C8orf34: variants seen among roughly 807,000 people sequenced by gnomAD.
The protein encoded by C8orf34 is chromosome 8 open reading frame 34.
C8orf34 carries 65 observed loss-of-function variants against 68.3 expected under a neutral mutation model. That is an observed-to-expected ratio of 0.95 (90% CI 0.78 to 1.17). The LOEUF is 1.17. Among genes scored for constraint, C8orf34 ranks in the 50% most tolerant of loss-of-function variants. The pLI, the probability that C8orf34 is intolerant of heterozygous loss-of-function variation, is 0.00. For missense variants in C8orf34, 664 were observed against 655.4 expected, an observed-to-expected ratio of 1.01 and a Z score of -0.14; for synonymous variants, 244 against 241.2, an observed-to-expected ratio of 1.01 and a Z score of -0.11.
chr8:68,456,127 G>T (rs1811540752), intron 3 of C8orf34, among the ~76,000 whole-genome samples: 1 of 151,442 alleles, frequency 6.6e-6, no homozygotes, highest in South Asian at 2.1e-4. Flanking sequence ...GTGGTGGTGG[G>T]TGCCTGTAGT....
intron 5 of C8orf34, among the ~76,000 whole-genome samples, chr8:68,505,530 G>C (rs182464575): frequency 7.3e-6 from 1 of 136,500 alleles, no homozygotes; most frequent in Non-Finnish European, 1.5e-5. Context: ...AGGAGATCGA[G>C]ACCATCCTGG....
chr8:68,330,560 G>A (rs747555280), upstream of C8orf34, among the ~76,000 whole-genome samples: 7 of 152,174 alleles, frequency 4.6e-5, no homozygotes, highest in African/African-American at 9.6e-5. Context: ...GTGCTGAGGA[G>A]AGGCTCAGAA....
chr8:68,634,078 T>C (rs1818769203), intron 7 of C8orf34, among the ~76,000 whole-genome samples: 1 of 152,106 alleles, frequency 6.6e-6, no homozygotes, highest in African/African-American at 2.4e-5. Context: ...AGACAAAGAA[T>C]GGTAAATTGT....
chr8:68,392,973 T>A (rs1039545157), intron 1 of C8orf34, among the ~76,000 whole-genome samples: 1 of 152,210 alleles, frequency 6.6e-6, no homozygotes, highest in Non-Finnish European at 1.5e-5. Context: ...TAGCCAACAT[T>A]TTATTTCATT....
chr8:68,378,289 C>A (rs1008123879), intron 1 of C8orf34, among the ~76,000 whole-genome samples: 1 of 152,078 alleles, frequency 6.6e-6, no homozygotes, highest in Non-Finnish European at 1.5e-5. Flanking sequence ...ATTTAAGTTT[C>A]TCCTACAAGA....
chr8:68,509,379 C>T (rs1421117404), intron 5 of C8orf34, among the ~76,000 whole-genome samples: 1 of 152,172 alleles, frequency 6.6e-6, no homozygotes, highest in African/African-American at 2.4e-5. Context: ...GGCCTTTTAG[C>T]AGTGTGCACA....
At chr8:68,332,212 G>A (rs1057169739) in intron 1 of C8orf34, among the ~76,000 whole-genome samples, 3 of 152,070 alleles carry the variant, frequency 2.0e-5, no homozygotes, top group Admixed American at 6.5e-5. Flanking sequence ...AGCGTCCCGC[G>A]GGTTGCCAGG....
chr8:68,569,668 G>A (rs983401640), intron 7 of C8orf34, among the ~76,000 whole-genome samples: 1 of 152,190 alleles, frequency 6.6e-6, no homozygotes, highest in Non-Finnish European at 1.5e-5. Flanking sequence ...TACAGGAAAA[G>A]GAATTCAGGG....
chr8:68,430,178 T>TA (rs1029339968), intron 1 of C8orf34, among the ~76,000 whole-genome samples: 3 of 151,730 alleles, frequency 2.0e-5, no homozygotes, highest in Non-Finnish European at 4.4e-5. Context: ...CATTAAAAAA[T>TA]AAAAAAATTA....
rs1563624021 is a variant in C8orf34, at chr8:68,331,120, CCG to C, written c.111_112del (p.Gly38ProfsTer23). On this transcript the variant is annotated frameshift_variant, in exon 1 of 14. Transcript: ENST00000518698. LOFTEE classifies it high-confidence loss of function. ...TGGCTCCCCGGGCTGCCACCCACGC[CCG>C]CGGCCGGGGCCGAGCCAGCCACGCA... ...RVAPRAATHA[R>X]GRGRASHAGQ... 4 of 1,508,304 alleles carry C rather than the reference CCG, an allele frequency of 2.7e-6. No individual in the cohort carries two copies. The highest frequency in any genetic ancestry group is 3.5e-6 in the Non-Finnish European group (4 of 1,134,976). 93.4% of individuals were successfully genotyped at this position (1,508,304 alleles called of 1,614,324 possible).
chr8:68,558,139 G>T (rs1477293648), intron 7 of C8orf34, among the ~76,000 whole-genome samples: 1 of 152,100 alleles, frequency 6.6e-6, no homozygotes. Context: ...ACTTTTTATA[G>T]ATAAAAGTTA....
intron 6 of C8orf34, chr8:68,525,478 C>T (rs905189142): frequency 1.6e-6 from 1 of 608,262 alleles, no homozygotes; most frequent in Non-Finnish European, 2.9e-6. Flanking sequence ...TTTTTGGTTT[C>T]CCTCTGAGGC....
intron 9 of C8orf34, among the ~76,000 whole-genome samples, chr8:68,719,089 A>G (rs1222307362): frequency 1.3e-5 from 2 of 152,148 alleles, no homozygotes; most frequent in Non-Finnish European, 2.9e-5. Flanking sequence ...ACTGTTAATG[A>G]GTGATGTACT....
intron 10 of C8orf34, among the ~76,000 whole-genome samples, chr8:68,722,621 A>G (rs573021956): frequency 1.6e-4 from 25 of 151,982 alleles, no homozygotes; most frequent in Non-Finnish European, 2.9e-4. Flanking sequence ...TTTTTTATAC[A>G]GTACTTATGA....
At chr8:68,622,373 T>A (rs555562792) in intron 7 of C8orf34, among the ~76,000 whole-genome samples, 126 of 152,296 alleles carry the variant, frequency 8.3e-4, no homozygotes, top group Non-Finnish European at 1.4e-3. Context: ...GTTAAAGTCA[T>A]CCTGACACAA....
chr8:68,795,563 A>T (rs1246950496), intron 12 of C8orf34, among the ~76,000 whole-genome samples: 1 of 152,136 alleles, frequency 6.6e-6, no homozygotes, highest in Non-Finnish European at 1.5e-5. Context: ...AGTCTATGTT[A>T]CCTGTTGTAC....
In C8orf34 at chr8:68,331,240, T is replaced by C; in HGVS notation, c.228T>C (p.Pro76=). The C allele has an allele frequency of 6.5e-7, 1 of 1,536,240 alleles. No individual in the cohort carries two copies. The highest frequency in any genetic ancestry group is 8.7e-7 in the Non-Finnish European group (1 of 1,146,922). ...PSGGAQPRVL[P]ALSSRSHLFP... ...GAGGCGCACAGCCGCGCGTTCTCCC[T>C]GCACTCTCTTCGCGGTCCCATCTGT... Residue 76 remains proline (P), a synonymous_variant, in exon 1 of 14, where the codon CCT becomes CCC. Transcript: ENST00000518698.
chr8:68,465,075 A>G (rs1222428657), intron 3 of C8orf34, among the ~76,000 whole-genome samples: 1 of 152,048 alleles, frequency 6.6e-6, no homozygotes, highest in Non-Finnish European at 1.5e-5. Context: ...AATATCCAGA[A>G]TCTACAATGA....
intron 1 of C8orf34, among the ~76,000 whole-genome samples, chr8:68,336,086 C>T (rs990228090): frequency 6.7e-6 from 1 of 148,842 alleles, no homozygotes; most frequent in African/African-American, 2.5e-5. Flanking sequence ...GACCCCATTA[C>T]AAAAAAAAGA....
Sources: gnomAD v4.1 joint callset for allele counts (sites outside exome capture counted in the v4.1 genomes callset) on GRCh38, gnomAD v4.1.1 for gene constraint, MANE v1.5 for transcripts, NCBI Gene and HGNC (gene_info 2026-07-23, HGNC 2026-07-21) for gene names.